The following DCT variants were observed in gnomAD, a reference collection of about 807,000 sequenced individuals.
DCT encodes the protein L-dopachrome tautomerase.
Under a neutral mutation model 53.0 loss-of-function variants are expected in DCT, and 47 were observed. The ratio of observed to expected loss-of-function variants is 0.89; its 90% CI spans 0.70 to 1.13. DCT has a LOEUF of 1.13. Ranked by LOEUF, DCT falls within the 50% of genes most tolerant of loss-of-function variation. The pLI is 0.00. For synonymous variants in DCT, 244 were observed against 237.0 expected, an observed-to-expected ratio of 1.03 and a Z score of -0.27; for missense variants, 669 against 637.4, an observed-to-expected ratio of 1.05 and a Z score of -0.53.
At chr13:94,486,236 T>C in the DCT span, among the ~76,000 whole-genome samples, 39 of 152,204 alleles carry the variant, frequency 2.6e-4, no homozygotes, top group Middle Eastern at 3.2e-3. Flanking sequence ...TACAATCTCT[T>C]ATCTCCTACT....
chr13:94,472,323 G>C (rs1884697105), intron 1 of DCT, among the ~76,000 whole-genome samples: 1 of 151,502 alleles, frequency 6.6e-6, no homozygotes, highest in South Asian at 2.1e-4. Flanking sequence ...TGTGAGGGCA[G>C]GGGGTTGGCA....
At chr13:94,521,255 C>T in the DCT span, among the ~76,000 whole-genome samples, 1 of 152,274 alleles carries the variant, frequency 6.6e-6, no homozygotes, top group Non-Finnish European at 1.5e-5. Flanking sequence ...ATGCGTATAA[C>T]ATGCTTAGCT....
intron 6 of DCT, among the ~76,000 whole-genome samples, chr13:94,449,869 A>G (rs1237063565): frequency 2.6e-5 from 4 of 152,224 alleles, no homozygotes; most frequent in African/African-American, 7.2e-5. Context: ...CCTTTATTTA[A>G]TTAACTAAGC....
At chr13:94,524,142 T>G in the DCT span, among the ~76,000 whole-genome samples, 54 of 152,202 alleles carry the variant, frequency 3.5e-4, no homozygotes, top group Non-Finnish European at 5.9e-4. Flanking sequence ...CAAGCCGAGC[T>G]ATGACCGGGG....
At chr13:94,524,810 G>C in the DCT span, among the ~76,000 whole-genome samples, 2 of 152,048 alleles carry the variant, frequency 1.3e-5, no homozygotes, top group Non-Finnish European at 2.9e-5. Context: ...CTTGGAAATA[G>C]GGTTGTTACG....
chr13:94,540,067 C>T, the DCT span, among the ~76,000 whole-genome samples: 2 of 152,142 alleles, frequency 1.3e-5, no homozygotes, highest in South Asian at 2.1e-4. Flanking sequence ...TTGTGTACTT[C>T]CTTTTCTGAT....
chr13:94,499,871 A>G, the DCT span, among the ~76,000 whole-genome samples: 2 of 152,096 alleles, frequency 1.3e-5, no homozygotes, highest in Non-Finnish European at 2.9e-5. Flanking sequence ...TCTTCTCCTC[A>G]GCTTTATTGA....
At chr13:94,460,067 T>G (rs760761856) in intron 6 of DCT, 24 bp downstream of exon 6, 2 of 1,607,024 alleles carry the variant, frequency 1.2e-6, no homozygotes, top group Non-Finnish European at 1.7e-6. Flanking sequence ...AAAATTTTCA[T>G]GCATTCTGAA....
the DCT span, among the ~76,000 whole-genome samples, chr13:94,514,391 C>A: frequency 3.3e-5 from 5 of 152,212 alleles, no homozygotes; most frequent in African/African-American, 1.2e-4. Context: ...TGTTTCCCTT[C>A]CTGCCCTGAA....
the DCT span, among the ~76,000 whole-genome samples, chr13:94,535,946 T>C: frequency 6.6e-6 from 1 of 152,120 alleles, no homozygotes; most frequent in Non-Finnish European, 1.5e-5. Context: ...GGCTCTATGG[T>C]TAACTAAAGT....
chr13:94,502,763 A>G, the DCT span, among the ~76,000 whole-genome samples: 1 of 152,030 alleles, frequency 6.6e-6, no homozygotes, highest in African/African-American at 2.4e-5. Flanking sequence ...TAGCCCTTCA[A>G]CGTGTGGCTG....
At chr13:94,515,791 C>G in the DCT span, among the ~76,000 whole-genome samples, 1 of 152,172 alleles carries the variant, frequency 6.6e-6, no homozygotes, top group African/African-American at 2.4e-5. Flanking sequence ...GTAACAAATA[C>G]TCACCTGGGA....
At chr13:94,468,540 T>C in intron 2 of DCT, 2 of 567,312 alleles carry the variant, frequency 3.5e-6, no homozygotes, top group South Asian at 2.2e-5. Context: ...GGAGAGAACA[T>C]TTAAAGTGTC....
Position 94,462,175 on chromosome 13 carries a change from T to C in DCT, c.878A>G (p.Asn293Ser), listed in dbSNP as rs1204740875. 5 of 1,612,144 alleles carry C rather than the reference T, an allele frequency of 3.1e-6. No individual in the cohort carries two copies. The highest frequency in any genetic ancestry group is 1.3e-5 in the African/African-American group (1 of 74,686). The change falls in exon 5 of 8, where the codon AAC (asparagine) becomes AGC (serine). Residue 293 changes from asparagine to serine, a missense_variant. Physicochemically the swap from Asn to Ser is conservative, Grantham distance 46 (BLOSUM62 1). Coordinates refer to ENST00000377028, the MANE Select transcript of DCT (RefSeq NM_001922.5). ...ETVCDSLDDY[N>S]HLVTLCNGTY... ...TCCATTGCACAAGGTGACCAGGTGG[T>C]TGTAGTCATCCAAGCTAAGATTTGT...
Position 94,477,107 on chromosome 13 carries a change from A to T in DCT, c.295+1854T>A, listed in dbSNP as rs185606068. Among the ~76,000 whole-genome samples the T allele has an allele frequency of 2.3e-3, 354 of 152,014 alleles. 2 individuals carry two copies. The South Asian group carries it at 0.037, about 16-fold the overall frequency. On this transcript the variant is annotated intron_variant, in intron 1 of 7. Coordinates refer to ENST00000377028, the MANE Select transcript of DCT (RefSeq NM_001922.5). Reference sequence around the variant, plus strand: ...GCCAGAACTATTTATTTATTTATTTATTTTTTTGAGACAGATCTCACTCTG... The same window carrying T: ...GCCAGAACTATTTATTTATTTATTTTTTTTTTTGAGACAGATCTCACTCTG...
chr13:94,445,774 A>G (rs1280456629), intron 6 of DCT: 5 of 1,557,936 alleles, frequency 3.2e-6, no homozygotes, highest in Non-Finnish European at 2.6e-6. Flanking sequence ...GTTGAGACAC[A>G]AAATTTAATA....
chr13:94,525,153 T>G, the DCT span, among the ~76,000 whole-genome samples: 2 of 151,908 alleles, frequency 1.3e-5, no homozygotes, highest in East Asian at 3.9e-4. Context: ...CAAGCTAGAG[T>G]GCAATGACAC....
the DCT span, among the ~76,000 whole-genome samples, chr13:94,527,417 G>A: frequency 1.3e-5 from 2 of 152,182 alleles, no homozygotes; most frequent in African/African-American, 4.8e-5. Context: ...TGCCCCCTGG[G>A]AAGAAGCTTC....
At chr13:94,508,426 T>C in the DCT span, among the ~76,000 whole-genome samples, 2 of 152,302 alleles carry the variant, frequency 1.3e-5, no homozygotes, top group East Asian at 3.9e-4. Flanking sequence ...CTTCTATTTA[T>C]GTCTTTTCAA....
Sources: gnomAD v4.1 joint callset for allele counts (sites outside exome capture counted in the v4.1 genomes callset) on GRCh38, gnomAD v4.1.1 for gene constraint, MANE v1.5 for transcripts, NCBI Gene and HGNC (gene_info 2026-07-23, HGNC 2026-07-21) for gene names.